CRADD: variants seen among roughly 807,000 people sequenced by gnomAD.
CRADD encodes CARD and death domain containing adaptor protein, also known as death domain-containing protein CRADD.
Under a neutral mutation model 15.5 loss-of-function variants are expected in CRADD, and 9 were observed. That is an observed-to-expected ratio of 0.58 (90% CI 0.35 to 1.01). The LOEUF (loss-of-function observed/expected upper bound fraction) is 1.01. Among genes scored for constraint, CRADD ranks in the 50% least tolerant of loss-of-function variants. The pLI is 0.02. For missense variants in CRADD, 227 were observed against 250.3 expected (o/e 0.91, Z 0.63); for synonymous variants, 118 against 107.6 (o/e 1.10, Z -0.60).
At chr12:93,683,654 C>A (rs937375384) in intron 2 of CRADD, among the ~76,000 whole-genome samples, 2 of 152,212 alleles carry the variant, frequency 1.3e-5, no homozygotes, top group African/African-American at 4.8e-5. Flanking sequence ...CTCTGCCTGC[C>A]CCTTGTGGCG....
intron 2 of CRADD, among the ~76,000 whole-genome samples, chr12:93,727,515 C>G (rs746877814): frequency 6.6e-6 from 1 of 152,136 alleles, no homozygotes; most frequent in Non-Finnish European, 1.5e-5. Flanking sequence ...GATTTTCTCC[C>G]AGAACATGAT....
chr12:93,768,502 T>A (rs1308124461), intron 2 of CRADD, among the ~76,000 whole-genome samples: 1 of 151,910 alleles, frequency 6.6e-6, no homozygotes, highest in South Asian at 2.1e-4. Flanking sequence ...TTTTTTTTTT[T>A]TATGAATCCT....
In CRADD at chr12:93,817,532, C is replaced by T. The variant is rs144938591; in HGVS notation, c.299-32438C>T. Among the ~76,000 whole-genome samples, 69 of 152,260 alleles carry T rather than the reference C, an allele frequency of 4.5e-4. 2 individuals are homozygous for T. In the East Asian group the frequency reaches 0.013, roughly 28 times the overall value. ...TCGCCATTTCATTCTTTATGGTTGG[C>T]GGGCTGAATTTTCTTTCTTGGTGGA... On this transcript the variant is annotated intron_variant, in intron 2 of 2. Coordinates refer to ENST00000332896, the MANE Select transcript of CRADD (RefSeq NM_003805.5).
chr12:93,889,187 C>T (rs1323709787), intron 2 of CRADD, among the ~76,000 whole-genome samples: 2 of 152,116 alleles, frequency 1.3e-5, no homozygotes, highest in Non-Finnish European at 1.5e-5. Flanking sequence ...TTGTGCTTGT[C>T]GGACCATATG....
chr12:93,712,641 T>G (rs1592915743), intron 2 of CRADD, among the ~76,000 whole-genome samples: 1 of 152,198 alleles, frequency 6.6e-6, no homozygotes, highest in Non-Finnish European at 1.5e-5. Context: ...GATAATTCAT[T>G]GTTAATTTTT....
At chr12:93,684,863 G>A (rs1263031043) in intron 2 of CRADD, among the ~76,000 whole-genome samples, 1 of 152,090 alleles carries the variant, frequency 6.6e-6, no homozygotes, top group Non-Finnish European at 1.5e-5. Context: ...TGACAATGTG[G>A]CTAATAAGAC....
chr12:93,748,381 C>T (rs541281768), intron 2 of CRADD, among the ~76,000 whole-genome samples: 3 of 149,124 alleles, frequency 2.0e-5, no homozygotes, highest in South Asian at 2.3e-4. Flanking sequence ...TCTCAGCTCA[C>T]GGCAACCTCC....
chr12:93,739,248 T>A (rs1018046999), intron 2 of CRADD, among the ~76,000 whole-genome samples: 7 of 152,134 alleles, frequency 4.6e-5, no homozygotes, highest in African/African-American at 1.7e-4. Flanking sequence ...CTTTGAGTAG[T>A]AGTGTAGCCT....
chr12:93,703,479 A>G (rs1241690155), intron 2 of CRADD, among the ~76,000 whole-genome samples: 8 of 148,746 alleles, frequency 5.4e-5, no homozygotes, highest in East Asian at 3.9e-4. Flanking sequence ...TCCCACTTCA[A>G]CCTCCCAGTT....
At chr12:93,735,988 C>T (rs930881165) in intron 2 of CRADD, among the ~76,000 whole-genome samples, 7 of 151,600 alleles carry the variant, frequency 4.6e-5, no homozygotes, top group Non-Finnish European at 7.4e-5. Context: ...ACCCTGGAGG[C>T]GGAGGTTGCA....
At chr12:93,748,554 G>T (rs201064444) in intron 2 of CRADD, among the ~76,000 whole-genome samples, 4 of 152,262 alleles carry the variant, frequency 2.6e-5, no homozygotes, top group South Asian at 2.1e-4. Flanking sequence ...TGATCCTCCC[G>T]CCTCGGCCTC....
chr12:93,724,895 C>G (rs1370623322), intron 2 of CRADD, among the ~76,000 whole-genome samples: 2 of 151,884 alleles, frequency 1.3e-5, no homozygotes, highest in African/African-American at 4.8e-5. Flanking sequence ...GAGTCTCGCT[C>G]TGTTGCCCAG....
chr12:93,886,863 G>T (rs1379816132), intron 2 of CRADD, among the ~76,000 whole-genome samples: 1 of 152,090 alleles, frequency 6.6e-6, no homozygotes, highest in African/African-American at 2.4e-5. Context: ...ACCATTTTAT[G>T]GTCATGGGCA....
Position 93,678,870 on chromosome 12 carries a change from G to C in CRADD, c.96G>C (p.Gln32His), listed in dbSNP as rs139411773. The C allele has an allele frequency of 6.2e-7, 1 of 1,614,088 alleles. No individual in the cohort carries two copies. Among genetic ancestry groups the C allele is most frequent in the African/African-American group, 1.3e-5 (1 of 74,940 alleles). ...VEGLVLQYLY[Q>H]EGILTENHIQ... is the part of the protein sequence containing the mutation. Reference sequence around the variant, plus strand: ...GACTGGTTCTTCAGTACCTCTACCAGGAAGGAATCTTGACGGAAAACCATA... The same window carrying C: ...GACTGGTTCTTCAGTACCTCTACCACGAAGGAATCTTGACGGAAAACCATA... Residue 32 changes from glutamine (Q) to histidine (H), a missense_variant, in exon 2 of 3, where the codon CAG (glutamine) becomes CAC (histidine). Physicochemically the swap from Gln to His is conservative, Grantham distance 24. Transcript: ENST00000332896.
At chr12:93,717,884 T>C (rs890213248) in intron 2 of CRADD, among the ~76,000 whole-genome samples, 3 of 152,168 alleles carry the variant, frequency 2.0e-5, no homozygotes, top group Non-Finnish European at 2.9e-5. Context: ...TCTTTTTGTT[T>C]TTTTGCACGT....
intron 2 of CRADD, chr12:93,826,688 T>C (rs908189831): frequency 5.9e-5 from 9 of 151,884 alleles, no homozygotes; most frequent in African/African-American, 2.2e-4. Flanking sequence ...GCCCACGGAG[T>C]CTTTTTCTCA....
In CRADD at chr12:93,751,818, G is replaced by A. The variant is rs540098266; in HGVS notation, c.298+72746G>A. Among the ~76,000 whole-genome samples, 21 of 152,300 alleles carry A rather than the reference G, an allele frequency of 1.4e-4. 1 individual carries two copies. The highest frequency in any genetic ancestry group is 4.6e-4 in the African/African-American group (19 of 41,564). On this transcript the variant is annotated intron_variant, in intron 2 of 2. Transcript: ENST00000332896. ...GAAGGCGCTGTAGTGAGCCAGGATC[G>A]TGCCACTGCATTCCAGCCTGGGAGA...
chr12:93,730,891 T>A (rs1416759551), intron 2 of CRADD, among the ~76,000 whole-genome samples: 1 of 152,082 alleles, frequency 6.6e-6, no homozygotes, highest in African/African-American at 2.4e-5. Context: ...AATTTTTATA[T>A]TTTTAGTAGA....
At chr12:93,887,015 TGCCC>T (rs1958542504) in intron 2 of CRADD, among the ~76,000 whole-genome samples, 1 of 152,244 alleles carries the variant, frequency 6.6e-6, no homozygotes, top group Non-Finnish European at 1.5e-5. Flanking sequence ...TTAGGTGGGT[TGCCC>T]ACAGTTATAA....
Sources: allele counts gnomAD v4.1 joint callset (sites outside exome capture counted in the v4.1 genomes callset), GRCh38; gene constraint gnomAD v4.1.1; transcripts MANE v1.5; gene names NCBI Gene and HGNC (gene_info 2026-07-23, HGNC 2026-07-21).